AKAP19: variants seen among roughly 807,000 people sequenced by gnomAD.
The protein encoded by AKAP19 is small A-kinase anchoring protein.
chr2:189,895,462 G>A, the AKAP19 span, among the ~76,000 whole-genome samples: 1 of 152,154 alleles, frequency 6.6e-6, no homozygotes, highest in South Asian at 2.1e-4. Context: ...ATTGCCTAGC[G>A]ATAATCAAAC....
the AKAP19 span, among the ~76,000 whole-genome samples, chr2:189,900,036 A>T: frequency 6.6e-6 from 1 of 152,186 alleles, no homozygotes; most frequent in Non-Finnish European, 1.5e-5. Flanking sequence ...TTGTCAATAA[A>T]CATGAACAGT....
the AKAP19 span, among the ~76,000 whole-genome samples, chr2:190,007,699 G>A: frequency 6.6e-6 from 1 of 152,188 alleles, no homozygotes; most frequent in Non-Finnish European, 1.5e-5. Context: ...GGTGGCTTAC[G>A]CCTGTAATCC....
the AKAP19 span, among the ~76,000 whole-genome samples, chr2:189,942,744 A>T: frequency 1.1e-3 from 172 of 152,356 alleles, 1 homozygote; most frequent in South Asian, 7.9e-3. Context: ...TAAGGCAGTC[A>T]TATGTGTTAT....
the AKAP19 span, among the ~76,000 whole-genome samples, chr2:190,138,522 A>G: frequency 1.3e-5 from 2 of 152,314 alleles, no homozygotes; most frequent in African/African-American, 4.8e-5. Flanking sequence ...TCAGTCAACA[A>G]TGCATTCATC....
the AKAP19 span, among the ~76,000 whole-genome samples, chr2:190,119,987 C>T: frequency 6.5e-3 from 984 of 152,238 alleles, 2 homozygotes; most frequent in Middle Eastern, 0.017. Flanking sequence ...GACTTATCAA[C>T]ACAAATGAGT....
At chr2:190,111,976 C>T in the AKAP19 span, among the ~76,000 whole-genome samples, 1 of 152,208 alleles carries the variant, frequency 6.6e-6, no homozygotes, top group East Asian at 1.9e-4. Flanking sequence ...CAGCTCACTG[C>T]AAGCTCTGCC....
the AKAP19 span, chr2:190,199,894 T>C: frequency 6.2e-7 from 1 of 1,613,962 alleles, no homozygotes; most frequent in African/African-American, 1.3e-5. Context: ...AACTTTCCCA[T>C]TTCCTACCAT....
the AKAP19 span, among the ~76,000 whole-genome samples, chr2:190,055,222 A>G: frequency 2.6e-5 from 4 of 151,844 alleles, no homozygotes; most frequent in East Asian, 5.8e-4. Flanking sequence ...GCAAACTATC[A>G]CAAGGACAAA....
the AKAP19 span, chr2:190,180,787 C>A: frequency 2.0e-6 from 2 of 985,226 alleles, no homozygotes; most frequent in Admixed American, 6.2e-5. The surrounding 1 kb of genome is among the most constrained non-coding windows in gnomAD (Gnocchi z 6.8). Context: ...CCGCGAGGAG[C>A]GCGCGGCGGG....
the AKAP19 span, among the ~76,000 whole-genome samples, chr2:190,041,076 G>A: frequency 5.9e-5 from 9 of 152,256 alleles, no homozygotes; most frequent in Admixed American, 2.0e-4. Flanking sequence ...TTCGTAGTTC[G>A]ATGGAAGTAG....
the AKAP19 span, among the ~76,000 whole-genome samples, chr2:189,950,008 T>C: frequency 6.7e-6 from 1 of 148,714 alleles, no homozygotes; most frequent in East Asian, 2.0e-4. Flanking sequence ...AATCATGTTA[T>C]CTTAGTTTTT....
At chr2:190,045,736 C>A in the AKAP19 span, among the ~76,000 whole-genome samples, 2 of 152,206 alleles carry the variant, frequency 1.3e-5, no homozygotes. Context: ...GTGGGGCCTG[C>A]AGGCTGTCGC....
the AKAP19 span, among the ~76,000 whole-genome samples, chr2:190,120,611 A>G: frequency 1.3e-5 from 2 of 152,212 alleles, no homozygotes; most frequent in African/African-American, 4.8e-5. Flanking sequence ...AACTCACTTT[A>G]ATTCCCTATG....
the AKAP19 span, chr2:190,199,796 G>GT: frequency 6.4e-7 from 1 of 1,571,080 alleles, no homozygotes; most frequent in Non-Finnish European, 8.6e-7. Flanking sequence ...AAATTTCATT[G>GT]TTTTCTAAAG....
At chr2:189,962,300 T>G in the AKAP19 span, among the ~76,000 whole-genome samples, 6 of 152,306 alleles carry the variant, frequency 3.9e-5, no homozygotes, top group East Asian at 1.2e-3. Context: ...TTATACCATC[T>G]AGGTTTGCGT....
chr2:189,965,241 T>C, the AKAP19 span, among the ~76,000 whole-genome samples: 2 of 152,154 alleles, frequency 1.3e-5, no homozygotes, highest in African/African-American at 4.8e-5. Flanking sequence ...TGCCGTCTTA[T>C]ATGGGCCCAA....
chr2:190,037,887 G>T, the AKAP19 span, among the ~76,000 whole-genome samples: 1 of 152,122 alleles, frequency 6.6e-6, no homozygotes, highest in Non-Finnish European at 1.5e-5. Flanking sequence ...TCAAAGTTAC[G>T]TGTTTTTACA....
chr2:190,126,794 T>C, the AKAP19 span, among the ~76,000 whole-genome samples: 1 of 152,196 alleles, frequency 6.6e-6, no homozygotes, highest in South Asian at 2.1e-4. Flanking sequence ...GAAGATGGTT[T>C]TTACTTAAAT....
At chr2:190,165,622 G>C in the AKAP19 span, among the ~76,000 whole-genome samples, 4 of 152,144 alleles carry the variant, frequency 2.6e-5, no homozygotes, top group Non-Finnish European at 1.5e-5. Context: ...AAGATATAGA[G>C]ATGGAAAAAT....
Sources: gnomAD v4.1 joint callset for allele counts (sites outside exome capture counted in the v4.1 genomes callset) on GRCh38, gnomAD v4.1.1 for gene constraint, Gnocchi (gnomAD v3.1) non-coding constraint, MANE v1.5 for transcripts, NCBI Gene and HGNC (gene_info 2026-07-23, HGNC 2026-07-21) for gene names.